SOX5: variants seen among roughly 807,000 people sequenced by gnomAD.
SOX5 encodes transcription factor SOX-5.
In SOX5, 9 loss-of-function variants were observed where a neutral mutation model predicts 92.0. The ratio of observed to expected loss-of-function variants is 0.10; its 90% CI spans 0.06 to 0.17. The LOEUF (loss-of-function observed/expected upper bound fraction) is 0.17. SOX5 is among the 10% of genes least tolerant of loss of function. The probability of loss-of-function intolerance (pLI) is 1.00; values close to 1 mark genes in which losing one functional copy is unlikely to be tolerated. For missense variants in SOX5, 642 were observed against 944.5 expected, an observed-to-expected ratio of 0.68 and a Z score of 4.20; for synonymous variants, 344 against 336.3, an observed-to-expected ratio of 1.02 and a Z score of -0.25.
intron 3 of SOX5, among the ~76,000 whole-genome samples, chr12:24,270,636 A>C (rs940753694): frequency 6.6e-6 from 1 of 152,226 alleles, no homozygotes; most frequent in African/African-American, 2.4e-5. Context: ...TTGAGTTAGA[A>C]GTGTTCCTGG....
chr12:24,297,400 A>G (rs1947392355), intron 2 of SOX5, among the ~76,000 whole-genome samples: 1 of 152,120 alleles, frequency 6.6e-6, no homozygotes, highest in Admixed American at 6.5e-5. Context: ...CTTTCTCCAC[A>G]CAGCATGGGC....
intron 4 of SOX5, among the ~76,000 whole-genome samples, chr12:23,973,386 C>T (rs984538791): frequency 6.6e-6 from 1 of 152,006 alleles, no homozygotes; most frequent in Admixed American, 6.6e-5. Context: ...GTCTCGAACT[C>T]CTGACCTCAT....
chr12:23,857,056 G>A (rs551832336), intron 2 of SOX5, among the ~76,000 whole-genome samples: 5 of 152,212 alleles, frequency 3.3e-5, no homozygotes, highest in African/African-American at 1.2e-4. Flanking sequence ...AATAAGTGAA[G>A]AGGAAAAGAT....
intron 3 of SOX5, among the ~76,000 whole-genome samples, chr12:24,237,233 C>T (rs940653848): frequency 1.3e-5 from 2 of 152,062 alleles, no homozygotes; most frequent in Non-Finnish European, 2.9e-5. Flanking sequence ...AAGAAGGATC[C>T]CTTAATACTT....
chr12:24,355,586 G>A (rs1595880301), intron 2 of SOX5, among the ~76,000 whole-genome samples: 1 of 151,984 alleles, frequency 6.6e-6, no homozygotes, highest in Non-Finnish European at 1.5e-5. Flanking sequence ...AATATGCCAC[G>A]ATACCTTTCC....
chr12:23,585,858 GC>G (rs1459875602), intron 9 of SOX5, among the ~76,000 whole-genome samples: 11 of 152,000 alleles, frequency 7.2e-5, no homozygotes, highest in African/African-American at 2.4e-4. Flanking sequence ...TCTCTTTGTC[GC>G]CCCCGTGTGT....
intron 9 of SOX5, among the ~76,000 whole-genome samples, chr12:23,583,246 C>T (rs1434312363): frequency 6.6e-6 from 1 of 151,926 alleles, no homozygotes; most frequent in Non-Finnish European, 1.5e-5. Context: ...GATTAACTCT[C>T]TATCTAATCT....
In SOX5 at chr12:23,753,817, C is replaced by T. The variant is rs186512395; in HGVS notation, c.568+1821G>A. Among the ~76,000 whole-genome samples, 24 of 151,886 alleles carry T rather than the reference C, an allele frequency of 1.6e-4. No individual in the cohort carries two copies. In the East Asian group the frequency reaches 4.5e-3, roughly 28 times the overall value. On this transcript the variant is annotated intron_variant, in intron 4 of 14. Coordinates refer to ENST00000451604, the MANE Select transcript of SOX5 (RefSeq NM_006940.6). ...AGGGCAACACACTATTGTATCCTCTCCACTTTCTAGCCACCTATGAACAAT... is the reference window on the plus strand; with the variant it reads ...AGGGCAACACACTATTGTATCCTCTTCACTTTCTAGCCACCTATGAACAAT...
At chr12:24,318,702 AAG>A (rs1367368444) in intron 2 of SOX5, among the ~76,000 whole-genome samples, 2 of 152,222 alleles carry the variant, frequency 1.3e-5, no homozygotes, top group Middle Eastern at 3.2e-3. Context: ...ACTTGTGGTG[AAG>A]ATCAATGATT....
upstream of SOX5, among the ~76,000 whole-genome samples, chr12:23,950,619 G>A (rs1192269712): frequency 1.3e-5 from 2 of 152,172 alleles, no homozygotes; most frequent in African/African-American, 2.4e-5. Context: ...GTTTGGGATC[G>A]CTGGGGAGGT....
chr12:23,894,643 T>C (rs966152163), intron 2 of SOX5, among the ~76,000 whole-genome samples: 2 of 152,214 alleles, frequency 1.3e-5, no homozygotes, highest in Admixed American at 6.5e-5. Flanking sequence ...AATCAAAGTA[T>C]TGATCTATTA....
chr12:24,011,041 TTTTTG>T (rs1952869962), intron 4 of SOX5, among the ~76,000 whole-genome samples: 1 of 152,160 alleles, frequency 6.6e-6, no homozygotes, highest in African/African-American at 2.4e-5. Context: ...CTAAACACTA[TTTTTG>T]TTTTAAGAAG....
At chr12:23,582,880 T>C (rs1950233102) in intron 9 of SOX5, among the ~76,000 whole-genome samples, 1 of 152,126 alleles carries the variant, frequency 6.6e-6, no homozygotes, top group South Asian at 2.1e-4. Context: ...TGGCCCTTAA[T>C]TAATTTAAAG....
At chr12:23,587,604 T>G (rs1466298548) in intron 9 of SOX5, among the ~76,000 whole-genome samples, 2 of 152,122 alleles carry the variant, frequency 1.3e-5, no homozygotes, top group Non-Finnish European at 2.9e-5. Flanking sequence ...TCACAAAATT[T>G]TTATGACACT....
At chr12:24,439,660 C>A (rs558899325) in intron 1 of SOX5, among the ~76,000 whole-genome samples, 1 of 152,060 alleles carries the variant, frequency 6.6e-6, no homozygotes, top group East Asian at 1.9e-4. Context: ...TTTGGGAGGC[C>A]AACGCGGGTG....
chr12:23,756,649 A>T (rs913237675), intron 3 of SOX5, among the ~76,000 whole-genome samples: 1 of 151,930 alleles, frequency 6.6e-6, no homozygotes, highest in Non-Finnish European at 1.5e-5. Context: ...GTACTAAAAG[A>T]TAAGTGTCCC....
intron 2 of SOX5, among the ~76,000 whole-genome samples, chr12:24,350,293 T>C (rs1461945249): frequency 6.6e-6 from 1 of 152,142 alleles, no homozygotes; most frequent in Non-Finnish European, 1.5e-5. Context: ...CTCCAGTGAC[T>C]TTGGTCATTT....
chr12:24,163,158 T>G (rs749925208), intron 4 of SOX5, among the ~76,000 whole-genome samples: 4 of 152,044 alleles, frequency 2.6e-5, no homozygotes, highest in Admixed American at 6.6e-5. Context: ...TTTTTAAATA[T>G]GAAGGAATAA....
At chr12:24,490,758 G>A (rs76545290) in intron 1 of SOX5, among the ~76,000 whole-genome samples, 5 of 152,166 alleles carry the variant, frequency 3.3e-5, no homozygotes, top group South Asian at 4.2e-4. Context: ...AACCAGAATG[G>A]AGAAACTCTC....
Sources: gnomAD v4.1 joint callset for allele counts (sites outside exome capture counted in the v4.1 genomes callset) on GRCh38, gnomAD v4.1.1 for gene constraint, MANE v1.5 for transcripts, NCBI Gene and HGNC (gene_info 2026-07-23, HGNC 2026-07-21) for gene names.